The following SVOP variants were observed in gnomAD, a reference collection of about 807,000 sequenced individuals.
SVOP encodes the protein synaptic vesicle 2-related protein.
Under a neutral mutation model 69.1 loss-of-function variants are expected in SVOP, and 17 were observed. That is an observed-to-expected ratio of 0.25 (90% CI 0.17 to 0.37). The LOEUF is 0.37. SVOP is among the 10% of genes least tolerant of loss of function. The pLI, the probability that SVOP is intolerant of heterozygous loss-of-function variation, is 1.00. For missense variants in SVOP, 435 were observed against 597.5 expected, an observed-to-expected ratio of 0.73 and a Z score of 2.84; for synonymous variants, 238 against 238.6, an observed-to-expected ratio of 1.00 and a Z score of 0.02.
At chr12:108,972,283 G>T in intron 5 of SVOP, 122 bp downstream of exon 5, 2 of 900,666 alleles carry the variant, frequency 2.2e-6, no homozygotes, top group Non-Finnish European at 3.5e-6. Context: ...TCTTCTCACT[G>T]TACTTCAACA....
rs36191772 is a variant in SVOP, at chr12:108,952,230, CT to C, written c.579-7065del. Among the ~76,000 whole-genome samples, 379 of 98,376 alleles carry C rather than the reference CT, an allele frequency of 3.9e-3. 3 individuals carry two copies. The highest frequency in any genetic ancestry group is 0.01 in the African/African-American group (299 of 29,488). 64.5% of individuals were successfully genotyped at this position (98,376 alleles called of 152,430 possible). On this transcript the variant is annotated intron_variant, in intron 6 of 15. Transcript: ENST00000610966. Reference sequence around the variant, plus strand: ...TACATTCCACTTTTTTTTCTTTTCTCTTTTTTTTTTTTTTTTTTTTTTGAGT... The same window carrying C: ...TACATTCCACTTTTTTTTCTTTTCTCTTTTTTTTTTTTTTTTTTTTTGAGT...
chr12:108,913,111 G>A (rs924391342), intron 15 of SVOP, among the ~76,000 whole-genome samples: 6 of 151,396 alleles, frequency 4.0e-5, no homozygotes, highest in Admixed American at 6.6e-5. Flanking sequence ...CATTCTTGTT[G>A]CCCAGACTGG....
At chr12:108,978,455 T>C (rs1157675485) in intron 3 of SVOP, 123 bp downstream of exon 3, 2 of 579,256 alleles carry the variant, frequency 3.5e-6, no homozygotes, top group Non-Finnish European at 6.1e-6. Context: ...ATTTTGTTGA[T>C]TGAAATTCAA....
intron 1 of SVOP, among the ~76,000 whole-genome samples, chr12:109,015,189 G>C (rs1390869714): frequency 6.6e-6 from 1 of 152,194 alleles, no homozygotes; most frequent in Non-Finnish European, 1.5e-5. Context: ...TGGATCCTGA[G>C]GCAGGAGCCT....
At chr12:108,953,102 C>A (rs373494548) in intron 6 of SVOP, among the ~76,000 whole-genome samples, 3 of 144,466 alleles carry the variant, frequency 2.1e-5, no homozygotes, top group Non-Finnish European at 3.0e-5. Context: ...CACAGATCAG[C>A]GTAGAGGAAT....
intron 12 of SVOP, among the ~76,000 whole-genome samples, chr12:108,921,968 G>GA (rs1285839277): frequency 6.6e-6 from 1 of 152,066 alleles, no homozygotes; most frequent in Admixed American, 6.6e-5. Context: ...CCTCTTAAAA[G>GA]AAAAAAAGAT....
chr12:108,980,840 G>A lies in SVOP; in HGVS notation c.197-2177C>T, dbSNP rs975349985. Among the ~76,000 whole-genome samples, 5 of 152,006 alleles carry A rather than the reference G, an allele frequency of 3.3e-5. No homozygotes were observed. In the East Asian group the frequency reaches 5.8e-4, roughly 18 times the overall value. ...CTCAGGAGGCTGAGGCAGGAGAATC[G>A]CTTGAACCCAGGAGGTGGAGGTTGC... On this transcript the variant is annotated intron_variant, in intron 2 of 15. Transcript: ENST00000610966.
At chr12:108,997,109 G>C (rs1375826287) in intron 1 of SVOP, among the ~76,000 whole-genome samples, 1 of 151,476 alleles carries the variant, frequency 6.6e-6, no homozygotes, top group Non-Finnish European at 1.5e-5. Flanking sequence ...TGCGTGCACC[G>C]TGCGCGAGCC....
chr12:108,961,614 GT>G (rs1468906010), intron 5 of SVOP, among the ~76,000 whole-genome samples: 4 of 152,158 alleles, frequency 2.6e-5, no homozygotes, highest in Non-Finnish European at 5.9e-5. Context: ...GGAAGCTTCA[GT>G]GTCAGCTTTC....
chr12:108,912,000 G>T lies in SVOP; in HGVS notation c.*535C>A, dbSNP rs769231249. 5.4e-5 allele frequency: 10 copies of T among 185,684 alleles called. No individual in the cohort carries two copies. Among genetic ancestry groups the T allele is most frequent in the Non-Finnish European group, 9.2e-5 (9 of 98,026 alleles). 11.5% of individuals were successfully genotyped at this position (185,684 alleles called of 1,614,324 possible). ...CATCTGCCAGAGAATCCACTGGTCA[G>T]GCTCTAGGGAGGCAAACCGGGGGGC... On this transcript the variant is annotated 3_prime_UTR_variant, in exon 16 of 16. Transcript: ENST00000610966.
intron 1 of SVOP, among the ~76,000 whole-genome samples, chr12:108,984,452 C>T (rs1006941867): frequency 9.9e-5 from 15 of 152,166 alleles, no homozygotes; most frequent in African/African-American, 2.4e-4. Flanking sequence ...TGGTGGTCCC[C>T]GGCCCACCCC....
intron 1 of SVOP, among the ~76,000 whole-genome samples, chr12:108,997,638 A>G (rs1287193814): frequency 6.6e-6 from 1 of 151,564 alleles, no homozygotes; most frequent in Non-Finnish European, 1.5e-5. Flanking sequence ...TGCCTCCTCA[A>G]GTGGGTCCCT....
At chr12:108,968,061 A>G (rs1486981097) in intron 5 of SVOP, among the ~76,000 whole-genome samples, 1 of 152,178 alleles carries the variant, frequency 6.6e-6, no homozygotes, top group African/African-American at 2.4e-5. Context: ...TGCATTGTGG[A>G]CTTTCCAGGT....
intron 1 of SVOP, among the ~76,000 whole-genome samples, chr12:108,996,751 T>C (rs2040234961): frequency 6.6e-6 from 1 of 151,954 alleles, no homozygotes; most frequent in Non-Finnish European, 1.5e-5. Context: ...GGTAACAAAG[T>C]GAGACCTCCG....
At chr12:108,940,951 T>G in intron 7 of SVOP, 42 bp from the exon 8 acceptor site, 1 of 1,525,674 alleles carries the variant, frequency 6.6e-7, no homozygotes, top group Non-Finnish European at 8.8e-7. Flanking sequence ...GGTAGCATGG[T>G]CCATACAGAG....
intron 11 of SVOP, among the ~76,000 whole-genome samples, chr12:108,927,907 CTTT>C (rs112012603): frequency 5.9e-5 from 8 of 135,516 alleles, no homozygotes; most frequent in Admixed American, 1.5e-4. Flanking sequence ...ACAAAAAACT[CTTT>C]TTTTTTTTTT....
At chr12:108,932,978 A>G (rs1390801135) in intron 11 of SVOP, among the ~76,000 whole-genome samples, 1 of 152,108 alleles carries the variant, frequency 6.6e-6, no homozygotes, top group African/African-American at 2.4e-5. Context: ...TGCTGAGTCC[A>G]AGCGATTCTC....
At chr12:108,977,524 G>A (rs2040113088) in intron 3 of SVOP, 28 bp from the exon 4 acceptor site, 4 of 1,465,090 alleles carry the variant, frequency 2.7e-6, no homozygotes, top group Non-Finnish European at 3.7e-6. Context: ...ACATCATGAG[G>A]CCAGGATGCT....
chr12:108,945,599 C>T (rs750878320), intron 6 of SVOP, among the ~76,000 whole-genome samples: 5 of 151,856 alleles, frequency 3.3e-5, no homozygotes, highest in African/African-American at 7.3e-5. Context: ...GTGACCCAGG[C>T]TGGTCTCGAA....
Sources: gnomAD v4.1 joint callset for allele counts (sites outside exome capture counted in the v4.1 genomes callset) on GRCh38, gnomAD v4.1.1 for gene constraint, MANE v1.5 for transcripts, NCBI Gene and HGNC (gene_info 2026-07-23, HGNC 2026-07-21) for gene names.